ANK2: variants seen among roughly 807,000 people sequenced by gnomAD.
The protein encoded by ANK2 is ankyrin 2.
A neutral mutation model predicts 360.5 loss-of-function variants in ANK2; 83 were observed. That is an observed-to-expected ratio of 0.23 (90% CI 0.19 to 0.28). The LOEUF (loss-of-function observed/expected upper bound fraction) is 0.28. ANK2 is among the 10% of genes least tolerant of loss of function. ANK2 has a pLI of 1.00. For missense variants in ANK2, 4,201 were observed against 4,795.7 expected, an observed-to-expected ratio of 0.88 and a Z score of 3.66; for synonymous variants, 1,740 against 1,759.5, an observed-to-expected ratio of 0.99 and a Z score of 0.28.
intron 1 of ANK2, among the ~76,000 whole-genome samples, chr4:113,053,051 T>C (rs1214865755): frequency 2.6e-5 from 4 of 152,212 alleles, no homozygotes; most frequent in Non-Finnish European, 1.5e-5. Context: ...AACGTCTTTG[T>C]TTTGTCTGTG....
At chr4:112,977,189 T>G (rs974980320) in intron 2 of ANK2, among the ~76,000 whole-genome samples, 1 of 152,220 alleles carries the variant, frequency 6.6e-6, no homozygotes, top group Admixed American at 6.5e-5. Context: ...TACTGTAATC[T>G]TAAAAAAACA....
At chr4:112,832,895 T>A (rs2060107175) in intron 1 of ANK2, among the ~76,000 whole-genome samples, 1 of 152,216 alleles carries the variant, frequency 6.6e-6, no homozygotes, top group Non-Finnish European at 1.5e-5. Flanking sequence ...GTTTAAGCAC[T>A]CATCTGATTA....
chr4:112,798,449 G>C, the ANK2 span: 1 of 152,038 alleles, frequency 6.6e-6, no homozygotes, highest in African/African-American at 2.4e-5. Context: ...CACCACCCCG[G>C]CTAATTTTGT....
chr4:112,975,523 G>T (rs763238142), intron 2 of ANK2, among the ~76,000 whole-genome samples: 12 of 152,048 alleles, frequency 7.9e-5, no homozygotes, highest in South Asian at 2.1e-4. Flanking sequence ...ACACAAAAAT[G>T]GGTTTAATTA....
rs111287469 is a variant in ANK2, at chr4:113,145,365, T to A, written c.85-29051T>A. ...TTATCTGTTTTGCTGATAAAGCAGA[T>A]TCATTAAAATATTTAGTATTGTGTG... is the stretch of plus-strand genomic sequence containing the variant. On this transcript the variant is annotated intron_variant, in intron 1 of 45. Transcript: ENST00000357077. Among the ~76,000 whole-genome samples, 862 of 152,312 alleles carry A rather than the reference T, an allele frequency of 5.7e-3. 5 individuals are homozygous for A. Among genetic ancestry groups the A allele is most frequent in the African/African-American group, 0.019 (810 of 41,570 alleles).
At position 112,850,718 on chromosome 4, in the gene ANK2, G is replaced by A. The variant is rs573991183; in HGVS notation, c.-40+32454G>A. On this transcript the variant is annotated intron_variant, in intron 1 of 30. Transcript: ENST00000503271. ...TTTTTAGTAGAGACGGGATTTCACC[G>A]TGTTAGCCAGGATGATCTCGATCTC... Among the ~76,000 whole-genome samples, 24 of 150,700 alleles carry A rather than the reference G, an allele frequency of 1.6e-4. No homozygotes were observed. The East Asian group carries it at 2.4e-3, about 15-fold the overall frequency.
At chr4:112,876,891 T>G (rs1254763722) in intron 1 of ANK2, among the ~76,000 whole-genome samples, 1 of 152,154 alleles carries the variant, frequency 6.6e-6, no homozygotes, top group African/African-American at 2.4e-5. Flanking sequence ...GTAGAGATAA[T>G]TTGTTGCACT....
rs778612815 is a variant in ANK2, at chr4:113,358,333, G to A, written c.9715G>A (p.Val3239Ile). 2.2e-5 allele frequency: 36 copies of A among 1,613,704 alleles called. No homozygotes were observed. The South Asian group carries it at 3.7e-4, about 17-fold the overall frequency. ...QTGDIPPLSG[V>I]KQISCPDSSE... ...GGGTGATATACCTCCTCTCTCTGGT[G>A]TAAAGCAGATATCCTGCCCCGACTC... Residue 3239 changes from valine (V) to isoleucine (I), a missense_variant, in exon 38 of 46, where the codon GTA (valine) becomes ATA (isoleucine). This residue lies in a region of ANK2 where 2,642 missense variants were observed against 2,714.5 expected (regional missense o/e 0.97). Transcript: ENST00000357077.
intron 9 of ANK2, among the ~76,000 whole-genome samples, chr4:113,243,624 A>G (rs898682911): frequency 6.6e-6 from 1 of 152,184 alleles, no homozygotes; most frequent in African/African-American, 2.4e-5. Flanking sequence ...CTTAGTAGGC[A>G]TGCCTTTTTC....
At chr4:112,752,347 A>T in the ANK2 span, among the ~76,000 whole-genome samples, 1 of 152,112 alleles carries the variant, frequency 6.6e-6, no homozygotes, top group Middle Eastern at 3.4e-3. Flanking sequence ...ACTCTGGGGC[A>T]TTAAATGTTA....
intron 22 of ANK2, 67 bp downstream of exon 22, chr4:113,293,605 G>A: frequency 7.0e-7 from 1 of 1,425,672 alleles, no homozygotes; most frequent in Non-Finnish European, 9.8e-7. Flanking sequence ...TACATGTACA[G>A]TACTTTTTCA....
chr4:113,033,648 G>C (rs1237698137), intron 2 of ANK2, among the ~76,000 whole-genome samples: 1 of 151,822 alleles, frequency 6.6e-6, no homozygotes, highest in Non-Finnish European at 1.5e-5. Context: ...AAATTGGTCA[G>C]ATGGAATTTG....
intron 1 of ANK2, among the ~76,000 whole-genome samples, chr4:113,055,596 GAAC>G (rs1223474498): frequency 2.0e-5 from 3 of 152,130 alleles, no homozygotes; most frequent in African/African-American, 4.8e-5. Flanking sequence ...AGAAAATTGA[GAAC>G]AACATTTCTT....
the ANK2 span, chr4:112,788,563 T>C: frequency 6.3e-6 from 10 of 1,588,602 alleles, no homozygotes; most frequent in Non-Finnish European, 1.7e-6. Context: ...TCTTGCTTTG[T>C]CTCTGGTCTG....
chr4:113,218,005 T>C (rs2099106194), intron 4 of ANK2, among the ~76,000 whole-genome samples: 1 of 152,228 alleles, frequency 6.6e-6, no homozygotes, highest in Non-Finnish European at 1.5e-5. Context: ...TCTAACTGCC[T>C]AGCAGCTTTT....
intron 2 of ANK2, among the ~76,000 whole-genome samples, chr4:112,910,637 A>G (rs111638360): frequency 6.6e-6 from 1 of 152,214 alleles, no homozygotes; most frequent in East Asian, 1.9e-4. Context: ...TGCACTGGGA[A>G]TTGTCCAGCA....
chr4:112,791,743 G>T, the ANK2 span, among the ~76,000 whole-genome samples: 1 of 151,624 alleles, frequency 6.6e-6, no homozygotes, highest in Non-Finnish European at 1.5e-5. Flanking sequence ...CGCCCACCTC[G>T]GCCTCCCAAA....
intron 1 of ANK2, among the ~76,000 whole-genome samples, chr4:112,894,481 G>A (rs114109463): frequency 0.028 from 4,240 of 152,192 alleles, 187 homozygotes; most frequent in African/African-American, 0.093. Context: ...ACAAATGAAT[G>A]CTGATTATGT....
chr4:113,293,132 C>T (rs914320707), intron 21 of ANK2: 10 of 449,504 alleles, frequency 2.2e-5, no homozygotes, highest in Non-Finnish European at 3.4e-5. Context: ...CGTCATGAGG[C>T]ACTTTCTTAA....
Sources: gnomAD v4.1 joint callset for allele counts (sites outside exome capture counted in the v4.1 genomes callset) on GRCh38, gnomAD v4.1.1 for gene constraint, gnomAD v4.1.1 regional missense constraint, MANE v1.5 for transcripts, NCBI Gene and HGNC (gene_info 2026-07-23, HGNC 2026-07-21) for gene names.